XKR5: variants seen among roughly 807,000 people sequenced by gnomAD.
The protein encoded by XKR5 is XK related 5, also known as XK-related protein 5.
XKR5 carries 46 observed loss-of-function variants against 40.8 expected under a neutral mutation model. The observed-to-expected ratio is 1.13, with a 90% CI of 0.89 to 1.44. The LOEUF is 1.44. Ranked by LOEUF, XKR5 falls within the 40% of genes most tolerant of loss-of-function variation. The probability of loss-of-function intolerance (pLI) is 0.00; values close to 1 mark genes in which losing one functional copy is unlikely to be tolerated. For missense variants in XKR5, 1,169 were observed against 844.7 expected (o/e 1.38, Z -4.76); for synonymous variants, 466 against 356.1 (o/e 1.31, Z -3.48).
chr8:6,822,330 A>C (rs1804278488), intron 4 of XKR5, among the ~76,000 whole-genome samples: 5 of 152,250 alleles, frequency 3.3e-5, no homozygotes, highest in African/African-American at 1.2e-4. Context: ...TGACCTTTTT[A>C]TTCCAGAAAG....
chr8:6,819,855 C>A (rs895925152), intron 5 of XKR5, among the ~76,000 whole-genome samples: 1 of 140,924 alleles, frequency 7.1e-6, no homozygotes, highest in African/African-American at 2.6e-5. Context: ...ACCTTCCTTT[C>A]CTTCCTTCCT....
chr8:6,834,658 T>C (rs560879837), intron 1 of XKR5, among the ~76,000 whole-genome samples: 10 of 151,814 alleles, frequency 6.6e-5, no homozygotes, highest in African/African-American at 2.2e-4. Context: ...AAGGCGGCGT[T>C]CCCAGGGTAC....
Position 6,811,428 on chromosome 8 carries a change from A to C in XKR5, c.1831T>G (p.Cys611Gly), listed in dbSNP as rs750817225. ...CTTCCAGGGAAGCCTGCACTGGGGCAGAAGCCTCTACATGGGCCTGTGCCT... is the reference window on the plus strand; with the variant it reads ...CTTCCAGGGAAGCCTGCACTGGGGCCGAAGCCTCTACATGGGCCTGTGCCT... ...ILGTGPCRGF[C>G]PSAGFPGRTL... The change falls in exon 7 of 7, where the codon TGC becomes GGC. Residue 611 changes from cysteine to glycine, a missense_variant. Physicochemically the swap from Cys to Gly is radical, Grantham distance 159 (BLOSUM62 -3). Transcript: ENST00000618742. 1 of 1,536,924 alleles carries C rather than the reference A, an allele frequency of 6.5e-7. No individual in the cohort carries two copies. Among genetic ancestry groups the C allele is most frequent in the Non-Finnish European group, 8.7e-7 (1 of 1,146,778 alleles).
At chr8:6,834,509 C>A (rs1049181775) in intron 1 of XKR5, among the ~76,000 whole-genome samples, 1 of 152,238 alleles carries the variant, frequency 6.6e-6, no homozygotes, top group Non-Finnish European at 1.5e-5. Flanking sequence ...GGGTGCCGAC[C>A]CCCGCAGGTC....
In XKR5 at chr8:6,826,892, C is replaced by T. The variant is rs80042186; in HGVS notation, c.243-1543G>A. On this transcript the variant is annotated intron_variant, in intron 2 of 6. Coordinates refer to ENST00000618742, the MANE Select transcript of XKR5 (RefSeq NM_207411.5). The stretch of plus-strand genomic sequence containing the variant: ...ATTACAGGATGGGGTGGCCCAGGGC[C>T]ACGGGGACACATCTGCTCACCCAGC... Among the ~76,000 whole-genome samples, 466 of 152,270 alleles carry T rather than the reference C, an allele frequency of 3.1e-3. 3 individuals are homozygous for T. The highest frequency in any genetic ancestry group is 0.011 in the African/African-American group (451 of 41,540).
intron 2 of XKR5, among the ~76,000 whole-genome samples, chr8:6,831,127 G>A (rs901969596): frequency 2.6e-5 from 4 of 152,204 alleles, no homozygotes; most frequent in African/African-American, 7.2e-5. Flanking sequence ...CATGCCTTAC[G>A]ACTGTGATGG....
In XKR5 at chr8:6,822,135, C is replaced by T. The variant is rs572497406; in HGVS notation, c.638-97G>A. The T allele has an allele frequency of 4.5e-5, 55 of 1,223,448 alleles. No individual in the cohort carries two copies. The East Asian group carries it at 1.2e-3, about 27-fold the overall frequency. The allele number at this position is 1,223,448 out of a possible 1,614,324, so 75.8% of individuals were successfully genotyped here. ...CAGGGGCTGGAAGGCTCTCCGACCA[C>T]ATTTGACTCAGCATCCAAGAAGAGA... On this transcript the variant is annotated intron_variant, in intron 4 of 6. Coordinates refer to ENST00000618742, the MANE Select transcript of XKR5 (RefSeq NM_207411.5).
rs577911661 is a variant in XKR5, at chr8:6,810,579, T to C, written c.*619A>G. On this transcript the variant is annotated 3_prime_UTR_variant, in exon 7 of 7. Transcript: ENST00000618742. ...AAAATGTGTGCATGTGCCCTTAGCATGGGTGAGGCTGAGCTAAGTGAGTCT... is the reference window on the plus strand; with the variant it reads ...AAAATGTGTGCATGTGCCCTTAGCACGGGTGAGGCTGAGCTAAGTGAGTCT... The C allele has an allele frequency of 6.6e-6, 1 of 152,384 alleles. No individual in the cohort carries two copies. The highest frequency in any genetic ancestry group is 2.4e-5 in the African/African-American group (1 of 41,574). The allele number at this position is 152,384 out of a possible 1,614,324, so 9.4% of individuals were successfully genotyped here.
chr8:6,834,726 G>GAAGTGTGCGGAGACGCTCCTCCCGGCAC (rs1804932241), intron 1 of XKR5, among the ~76,000 whole-genome samples: 1 of 152,144 alleles, frequency 6.6e-6, no homozygotes, highest in African/African-American at 2.4e-5. Context: ...GAGCCCGGCG[G>GAAGTGTGCGGAGACGCTCCTCCCGGCAC]AAGTGGGCGG....
chr8:6,830,234 T>C (rs754790908), intron 2 of XKR5, among the ~76,000 whole-genome samples: 4 of 152,234 alleles, frequency 2.6e-5, no homozygotes, highest in Non-Finnish European at 5.9e-5. Context: ...AAGTGACCTA[T>C]TCTTAGGCAA....
At chr8:6,833,215 C>T (rs879408118) in intron 1 of XKR5, among the ~76,000 whole-genome samples, 1 of 152,308 alleles carries the variant, frequency 6.6e-6, no homozygotes, top group African/African-American at 2.4e-5. Flanking sequence ...AAACTAGGGA[C>T]CACCCTTATA....
Position 6,811,992 on chromosome 8 carries a change from C to T in XKR5, c.1267G>A (p.Ala423Thr), listed in dbSNP as rs199776286. 1,103 of 1,537,308 alleles carry T rather than the reference C, an allele frequency of 7.2e-4. No homozygotes were observed. Among genetic ancestry groups the T allele is most frequent in the Non-Finnish European group, 8.9e-4 (1,020 of 1,146,932 alleles). Residue 423 changes from alanine to threonine, a missense_variant, in exon 7 of 7, where the codon GCC (alanine) becomes ACC (threonine). By Grantham distance (58) the Ala-to-Thr change is moderately conservative. Transcript: ENST00000618742. ...TAGGCAGGACTGTTATCTCCAAAGG[C>T]GGCATTGATCTTAGACACATTTCCT... ...KTGNVSKINA[A>T]FGDNSPAYCP... is the part of the protein sequence containing the mutation.
At chr8:6,834,821 G>A (rs1395120810) in intron 1 of XKR5, among the ~76,000 whole-genome samples, 1 of 152,000 alleles carries the variant, frequency 6.6e-6, no homozygotes, top group Non-Finnish European at 1.5e-5. Context: ...GCCGCGGCTG[G>A]CGGGCTCTGG....
At chr8:6,823,277 G>C (rs1040356287) in intron 4 of XKR5, among the ~76,000 whole-genome samples, 1 of 152,224 alleles carries the variant, frequency 6.6e-6, no homozygotes, top group Non-Finnish European at 1.5e-5. Flanking sequence ...TAGAAGACTA[G>C]CAGTTTCCAG....
In XKR5 at chr8:6,809,411, C is replaced by G. The variant is rs1803582312; in HGVS notation, c.*1787G>C. 1 of 152,212 alleles carries G rather than the reference C, an allele frequency of 6.6e-6. No homozygotes were observed. Among genetic ancestry groups the G allele is most frequent in the Non-Finnish European group, 1.5e-5 (1 of 68,114 alleles). 9.4% of individuals were successfully genotyped at this position (152,212 alleles called of 1,614,324 possible). On this transcript the variant is annotated 3_prime_UTR_variant, in exon 7 of 7. Transcript: ENST00000618742. ...TCAACTGATTCTCGTGCCTCAGCCT[C>G]TCGAGCAGCTGGGACTACAGGTGTG...
chr8:6,820,432 C>T (rs959308504), intron 5 of XKR5, among the ~76,000 whole-genome samples: 5 of 152,228 alleles, frequency 3.3e-5, no homozygotes, highest in Admixed American at 3.3e-4. Flanking sequence ...GGAGATGACA[C>T]GGCAACTGAC....
intron 2 of XKR5, among the ~76,000 whole-genome samples, chr8:6,827,305 C>A (rs1408173966): frequency 6.6e-6 from 1 of 152,172 alleles, no homozygotes; most frequent in African/African-American, 2.4e-5. Context: ...AATTTAAGAA[C>A]TAGAGGTCAC....
In XKR5 at chr8:6,811,432, G is replaced by A. The variant is rs114726219; in HGVS notation, c.1827C>T (p.Gly609=). 4,645 of 1,536,930 alleles carry A rather than the reference G, an allele frequency of 3.0e-3. 119 individuals are homozygous for A. In the African/African-American group the frequency reaches 0.056, roughly 19 times the overall value. The part of the protein sequence containing the change: ...SPILGTGPCR[G]FCPSAGFPGR... ...CAGGGAAGCCTGCACTGGGGCAGAA[G>A]CCTCTACATGGGCCTGTGCCTAGGA... Residue 609 remains glycine (G), a synonymous_variant, in exon 7 of 7, where the codon GGC becomes GGT. Coordinates refer to ENST00000618742, the MANE Select transcript of XKR5 (RefSeq NM_207411.5).
chr8:6,833,543 C>T (rs1236288263), intron 1 of XKR5, among the ~76,000 whole-genome samples: 2 of 152,172 alleles, frequency 1.3e-5, no homozygotes, highest in African/African-American at 2.4e-5. Context: ...CCAGTCTGGG[C>T]CTCTCTACTA....
Sources: gnomAD v4.1 joint callset for allele counts (sites outside exome capture counted in the v4.1 genomes callset) on GRCh38, gnomAD v4.1.1 for gene constraint, MANE v1.5 for transcripts, NCBI Gene and HGNC (gene_info 2026-07-23, HGNC 2026-07-21) for gene names.